The following IGFBP2 variants were observed in gnomAD, a reference collection of about 807,000 sequenced individuals.
IGFBP2 encodes the protein insulin-like growth factor-binding protein 2.
In IGFBP2, 12 loss-of-function variants were observed where a neutral mutation model predicts 26.2. The observed-to-expected ratio is 0.46, with a 90% CI of 0.29 to 0.74. The LOEUF (loss-of-function observed/expected upper bound fraction) is 0.74, where lower values mean the gene tolerates loss of function less well. Among genes scored for constraint, IGFBP2 ranks in the 30% least tolerant of loss-of-function variants. The pLI is 0.09. For synonymous variants in IGFBP2, 189 were observed against 200.6 expected (o/e 0.94, Z 0.49); for missense variants, 328 against 441.2 (o/e 0.74, Z 2.30).
chr2:216,646,006 C>G (rs1697703270), intron 1 of IGFBP2, among the ~76,000 whole-genome samples: 1 of 152,200 alleles, frequency 6.6e-6, no homozygotes. Flanking sequence ...ATGTGATATA[C>G]TATCAGACAA....
intron 1 of IGFBP2, among the ~76,000 whole-genome samples, chr2:216,656,418 C>T (rs993817874): frequency 6.6e-6 from 1 of 152,162 alleles, no homozygotes; most frequent in Non-Finnish European, 1.5e-5. Context: ...TATATGGGGC[C>T]TGGAGCCATT....
chr2:216,664,145 C>T lies in IGFBP2; in HGVS notation c.*41C>T, dbSNP rs932552200. 2.7e-6 allele frequency: 4 copies of T among 1,483,982 alleles called. No individual in the cohort carries two copies. The highest frequency in any genetic ancestry group is 3.6e-6 in the Non-Finnish European group (4 of 1,106,438). The allele number at this position is 1,483,982 out of a possible 1,614,324, so 91.9% of individuals were successfully genotyped here. On this transcript the variant is annotated 3_prime_UTR_variant, in exon 4 of 4. Transcript: ENST00000233809. The surrounding 1 kb of genome is among the most constrained non-coding windows in gnomAD (Gnocchi z 4.6). ...TGCCTGGCGCCCCTGCCCCCCGCCC[C>T]TCTCCAAACACCGGCAGAAAACGGA...
intron 2 of IGFBP2, 50 bp from the exon 3 acceptor site, chr2:216,661,808 G>A (rs531679869): frequency 1.2e-5 from 20 of 1,610,898 alleles, no homozygotes; most frequent in African/African-American, 2.7e-5. Flanking sequence ...CGCGTGCTTC[G>A]TGGGCCTGCT....
Position 216,639,562 on chromosome 2 carries a change from G to GTT in IGFBP2, c.442+5606_442+5607dup, listed in dbSNP as rs34865196. ...TACCCAAAAGAAAAGAAAAAAGCTT[G>GTT]TTTTTTTTTTGTTTGTTTTTTTGTT... On this transcript the variant is annotated intron_variant, in intron 1 of 3. Coordinates refer to ENST00000233809, the MANE Select transcript of IGFBP2 (RefSeq NM_000597.3). Among the ~76,000 whole-genome samples the GTT allele has an allele frequency of 6.4e-3, 959 of 149,380 alleles. 4 individuals are homozygous for GTT. Among genetic ancestry groups the GTT allele is most frequent in the South Asian group, 8.7e-3 (41 of 4,730 alleles).
intron 1 of IGFBP2, among the ~76,000 whole-genome samples, chr2:216,634,564 G>A (rs1162589120): frequency 6.6e-6 from 1 of 152,208 alleles, no homozygotes; most frequent in East Asian, 1.9e-4. Flanking sequence ...CATAGGGAAC[G>A]AGCAGGGCTC....
intron 1 of IGFBP2, among the ~76,000 whole-genome samples, chr2:216,657,742 C>G (rs148318506): frequency 2.6e-5 from 4 of 152,158 alleles, no homozygotes; most frequent in Non-Finnish European, 4.4e-5. Context: ...CACGCTAAAT[C>G]GGCCTTTTCC....
chr2:216,638,506 AAAAAT>A (rs1034480598), intron 1 of IGFBP2, among the ~76,000 whole-genome samples: 8 of 152,214 alleles, frequency 5.3e-5, no homozygotes, highest in East Asian at 1.9e-4. Flanking sequence ...ACTCCGTCTC[AAAAAT>A]AAAATAAAAT....
chr2:216,641,999 ATT>A (rs759581642), intron 1 of IGFBP2, among the ~76,000 whole-genome samples: 2 of 99,656 alleles, frequency 2.0e-5, no homozygotes, highest in African/African-American at 3.7e-5. Context: ...CCAGGCTTAC[ATT>A]TTTTTTTTTT....
chr2:216,636,644 C>T (rs1697502143), intron 1 of IGFBP2, among the ~76,000 whole-genome samples: 1 of 152,076 alleles, frequency 6.6e-6, no homozygotes, highest in African/African-American at 2.4e-5. Flanking sequence ...ACTCTAAAAG[C>T]GTGTGTATGT....
At chr2:216,660,174 C>T (rs562530534) in intron 1 of IGFBP2, among the ~76,000 whole-genome samples, 1 of 152,198 alleles carries the variant, frequency 6.6e-6, no homozygotes, top group Non-Finnish European at 1.5e-5. Context: ...CAAATGCATT[C>T]ATCCCTCTGT....
intron 1 of IGFBP2, among the ~76,000 whole-genome samples, chr2:216,639,741 C>A (rs1455308937): frequency 6.6e-6 from 1 of 152,060 alleles, no homozygotes; most frequent in Non-Finnish European, 1.5e-5. Context: ...CTCCCGAGTT[C>A]AAGCAATTCT....
chr2:216,636,538 T>G (rs1269845401), intron 1 of IGFBP2, among the ~76,000 whole-genome samples: 1 of 151,900 alleles, frequency 6.6e-6, no homozygotes, highest in African/African-American at 2.4e-5. Flanking sequence ...TGGGGCTTGT[T>G]GGTTCAAAGA....
In IGFBP2 at chr2:216,663,999, G is replaced by A. The variant is rs1222613611; in HGVS notation, c.873G>A (p.Gly291=). The part of the protein sequence containing the change: ...GECWCVNPNT[G]KLIQGAPTIR... The stretch of plus-strand genomic sequence containing the variant: ...GCTGGTGTGTGAACCCCAACACCGG[G>A]AAGCTGATCCAGGGAGCCCCCACCA... The change falls in exon 4 of 4, where the codon GGG becomes GGA. Residue 291 remains glycine (G), a synonymous_variant. Transcript: ENST00000233809. 2 of 1,614,174 alleles carry A rather than the reference G, an allele frequency of 1.2e-6. No individual in the cohort carries two copies. Among genetic ancestry groups the A allele is most frequent in the African/African-American group, 1.3e-5 (1 of 75,046 alleles).
At chr2:216,653,502 A>G (rs1306395672) in intron 1 of IGFBP2, among the ~76,000 whole-genome samples, 2 of 152,234 alleles carry the variant, frequency 1.3e-5, no homozygotes, top group Non-Finnish European at 2.9e-5. Context: ...GGTGGGCCAA[A>G]AGACAATGTA....
chr2:216,633,775 C>T lies in IGFBP2; in HGVS notation c.252C>T (p.Cys84=). ...CGGAGCTCGTCCGGGAGCCGGGCTG[C>T]GGCTGCTGCTCGGTGTGCGCCCGGC... ...PCAELVREPG[C]GCCSVCARLE... Residue 84 remains cysteine (C), a synonymous_variant, in exon 1 of 4, where the codon TGC becomes TGT. Coordinates refer to ENST00000233809, the MANE Select transcript of IGFBP2 (RefSeq NM_000597.3). 3 of 1,383,108 alleles carry T rather than the reference C, an allele frequency of 2.2e-6. No individual in the cohort carries two copies. Among genetic ancestry groups the T allele is most frequent in the South Asian group, 1.6e-5 (1 of 61,424 alleles). 85.7% of individuals were successfully genotyped at this position (1,383,108 alleles called of 1,614,324 possible).
chr2:216,659,449 G>A (rs1697986891), intron 1 of IGFBP2, among the ~76,000 whole-genome samples: 1 of 152,226 alleles, frequency 6.6e-6, no homozygotes, highest in Non-Finnish European at 1.5e-5. Context: ...GCTCTGGGTG[G>A]GAGGGTCTGG....
chr2:216,647,849 C>T (rs927050223), intron 1 of IGFBP2, among the ~76,000 whole-genome samples: 1 of 152,172 alleles, frequency 6.6e-6, no homozygotes, highest in Non-Finnish European at 1.5e-5. Context: ...GAGACAAGCT[C>T]TGGCTCTGTC....
intron 1 of IGFBP2, among the ~76,000 whole-genome samples, chr2:216,639,162 A>G (rs1697563939): frequency 6.6e-6 from 1 of 151,934 alleles, no homozygotes; most frequent in Non-Finnish European, 1.5e-5. Context: ...CCTCCCGAGT[A>G]GTTGGGAATT....
At chr2:216,644,870 G>C (rs1697680294) in intron 1 of IGFBP2, among the ~76,000 whole-genome samples, 1 of 152,212 alleles carries the variant, frequency 6.6e-6, no homozygotes, top group Non-Finnish European at 1.5e-5. Context: ...ATTGTAGTCT[G>C]GGTCTCTAGA....
Sources: allele counts gnomAD v4.1 joint callset (sites outside exome capture counted in the v4.1 genomes callset), GRCh38; gene constraint gnomAD v4.1.1; non-coding constraint Gnocchi (gnomAD v3.1); transcripts MANE v1.5; gene names NCBI Gene and HGNC (gene_info 2026-07-23, HGNC 2026-07-21).